ITPA: variants seen among roughly 807,000 people sequenced by gnomAD.
ITPA encodes inosine triphosphatase.
A neutral mutation model predicts 29.6 loss-of-function variants in ITPA; 29 were observed. The observed-to-expected ratio is 0.98, with a 90% confidence interval of 0.73 to 1.34. ITPA has a LOEUF of 1.34. Among genes scored for constraint, ITPA ranks in the 40% most tolerant of loss-of-function variants. The probability of loss-of-function intolerance (pLI) is 0.00; values close to 1 mark genes in which losing one functional copy is unlikely to be tolerated. For synonymous variants in ITPA, 103 were observed against 99.3 expected, an observed-to-expected ratio of 1.04 and a Z score of -0.22; for missense variants, 241 against 251.5, an observed-to-expected ratio of 0.96 and a Z score of 0.28.
Position 3,218,527 on chromosome 20 carries a change from G to C in ITPA, c.306G>C (p.Gln102His), listed in dbSNP as rs939527021. 6.8e-6 allele frequency: 11 copies of C among 1,613,646 alleles called. No homozygotes were observed. Among genetic ancestry groups the C allele is most frequent in the African/African-American group, 1.3e-5 (1 of 74,928 alleles). ...LEKLKPEGLH[Q>H]LLAGFEDKSA... ...ACTGCCCACCCGCAGGTCTCCACCAGCTCCTGGCCGGGTTCGAGGACAAGT... is the reference window on the plus strand; with the variant it reads ...ACTGCCCACCCGCAGGTCTCCACCACCTCCTGGCCGGGTTCGAGGACAAGT... Residue 102 changes from glutamine (Q) to histidine (H), a missense_variant, in exon 6 of 8, where the codon CAG becomes CAC. Gln to His is a conservative substitution (Grantham distance 24). Transcript: ENST00000380113.
chr20:3,221,790 T>A, intron 6 of ITPA, 51 bp from the exon 7 acceptor site: 1 of 1,554,408 alleles, frequency 6.4e-7, no homozygotes, highest in Non-Finnish European at 8.9e-7. Context: ...GCCCTCCTCG[T>A]GCTTGTCCTC....
At chr20:3,214,363 C>CTTTT (rs57982806) in intron 4 of ITPA, among the ~76,000 whole-genome samples, 11 of 112,876 alleles carry the variant, frequency 9.7e-5, no homozygotes, top group Non-Finnish European at 1.8e-4. Flanking sequence ...TTCTTCCTTT[C>CTTTT]TTTTTTTTTT....
upstream of ITPA, chr20:3,209,356 C>T (rs144574212): frequency 6.6e-4 from 444 of 668,756 alleles, 2 homozygotes; most frequent in African/African-American, 6.0e-3. This position sits in a 1 kb window ranked among gnomAD's most constrained non-coding sequence, Gnocchi z 4.6. Flanking sequence ...TCGGGAGGCC[C>T]CCAGCAAATC....
At chr20:3,204,906 G>A (rs186754674), upstream of ITPA, among the ~76,000 whole-genome samples, 24 of 151,788 alleles carry the variant, frequency 1.6e-4, no homozygotes, top group African/African-American at 3.4e-4. Context: ...GCTGGAGTGC[G>A]GTGGTGCGAT....
chr20:3,213,440 C>T, intron 3 of ITPA, 57 bp downstream of exon 3: 1 of 1,602,436 alleles, frequency 6.2e-7, no homozygotes, highest in Non-Finnish European at 8.5e-7. Flanking sequence ...GCTTCCAGGG[C>T]CTGCGCCTGC....
rs1273247765 is a variant in ITPA, at chr20:3,211,076, A to AG, written c.66+1459_66+1460insG. Among the ~76,000 whole-genome samples the AG allele has an allele frequency of 9.7e-3, 1,408 of 145,008 alleles. 23 individuals are homozygous for AG. Among genetic ancestry groups the AG allele is most frequent in the African/African-American group, 0.033 (1,327 of 39,636 alleles). On this transcript the variant is annotated intron_variant, in intron 1 of 7. Transcript: ENST00000380113. ...GACTCTGTCTCAAATAAAAAAAAAA[A>AG]AAGAAGAAGAAGAAGAAGAAGGCAC... is the stretch of plus-strand genomic sequence containing the variant.
At chr20:3,209,425 C>T, upstream of ITPA, 1 of 873,792 alleles carries the variant, frequency 1.1e-6, no homozygotes, top group Non-Finnish European at 1.9e-6. This position sits in a 1 kb window ranked among gnomAD's most constrained non-coding sequence, Gnocchi z 4.6. Flanking sequence ...GCCTTGGGGT[C>T]CGGGTCGGCT....
intron 7 of ITPA, among the ~76,000 whole-genome samples, chr20:3,222,719 G>C (rs1429518537): frequency 6.6e-6 from 1 of 152,190 alleles, no homozygotes; most frequent in Non-Finnish European, 1.5e-5. Context: ...GGAGCGCAGT[G>C]TGAGGCCCCA....
chr20:3,206,647 G>A (rs376115982), upstream of ITPA, among the ~76,000 whole-genome samples: 21 of 151,592 alleles, frequency 1.4e-4, no homozygotes, highest in Middle Eastern at 7.0e-3. Flanking sequence ...TGGCTAACAC[G>A]GTGAAACCCC....
intron 7 of ITPA, among the ~76,000 whole-genome samples, chr20:3,222,221 CT>C (rs1185986418): frequency 0.015 from 2,039 of 137,916 alleles, 15 homozygotes; most frequent in African/African-American, 0.041. Context: ...GTACATCTGA[CT>C]TTTTTTTTTT....
rs751753003 is a variant in ITPA at position 3,223,369 on chromosome 20, C to G, written c.492C>G (p.Tyr164Ter). ...CFQPDGYEQTYAEMPKAEKNA... is the reference protein window; with the variant it reads ...CFQPDGYEQT ...AGCTGCTACTGTCACCCCTCAGGTA[C>G]GCAGAGATGCCTAAGGCGGAGAAGA... is the stretch of plus-strand genomic sequence containing the variant. The change falls in exon 8 of 8, where the codon TAC (tyrosine) becomes TAG (stop). Residue 164 changes from tyrosine to a stop codon, truncating the protein, a stop_gained. Coordinates refer to ENST00000380113, the MANE Select transcript of ITPA (RefSeq NM_033453.4). LOFTEE classifies it high-confidence loss of function. The G allele has an allele frequency of 6.2e-7, 1 of 1,612,564 alleles. No individual in the cohort carries two copies. The highest frequency in any genetic ancestry group is 2.2e-5 in the East Asian group (1 of 44,874).
At chr20:3,220,783 TG>T (rs2067443535) in intron 6 of ITPA, among the ~76,000 whole-genome samples, 3 of 151,828 alleles carry the variant, frequency 2.0e-5, no homozygotes, top group Admixed American at 1.3e-4. Context: ...CTCGAACTCC[TG>T]GGTTTAAACC....
In ITPA at chr20:3,221,883, G is replaced by A; in HGVS notation, c.454G>A (p.Asp152Asn). Reference sequence around the variant, plus strand: ...CAGAGGCTGCCAGGACTTTGGCTGGGACCCCTGCTTTCAGCCTGATGGATA... The same window carrying A: ...CAGAGGCTGCCAGGACTTTGGCTGGAACCCCTGCTTTCAGCCTGATGGATA... ...APRGCQDFGW[D>N]PCFQPDGYEQ... Residue 152 changes from aspartate to asparagine, a missense_variant, in exon 7 of 8, where the codon GAC becomes AAC. Asp to Asn is a conservative substitution (Grantham distance 23, BLOSUM62 1). Coordinates refer to ENST00000380113, the MANE Select transcript of ITPA (RefSeq NM_033453.4). 6.2e-7 allele frequency: 1 copy of A among 1,614,084 alleles called. No homozygotes were observed. The highest frequency in any genetic ancestry group is 8.5e-7 in the Non-Finnish European group (1 of 1,180,034).
downstream of ITPA, among the ~76,000 whole-genome samples, chr20:3,225,168 A>T (rs768879592): frequency 6.6e-6 from 1 of 152,096 alleles, no homozygotes; most frequent in Non-Finnish European, 1.5e-5. Context: ...GCGCCACTGC[A>T]CTCCAGCCTG....
At chr20:3,204,628 G>C, upstream of ITPA, 1 of 1,581,554 alleles carries the variant, frequency 6.3e-7, no homozygotes, top group Non-Finnish European at 8.6e-7. Flanking sequence ...GCGCCACCAT[G>C]ACGAGGGCCT....
chr20:3,217,593 T>A (rs1311419061), intron 5 of ITPA, among the ~76,000 whole-genome samples: 1 of 151,414 alleles, frequency 6.6e-6, no homozygotes, highest in East Asian at 2.0e-4. Context: ...CTTAGCCTCC[T>A]GAGGAGCTGG....
chr20:3,223,339 C>T (rs765347918), intron 7 of ITPA, 27 bp from the exon 8 acceptor site: 1 of 1,567,094 alleles, frequency 6.4e-7, no homozygotes, highest in East Asian at 2.2e-5. Context: ...AATCTGGGCT[C>T]CCTGAGCTGC....
Position 3,213,201 on chromosome 20 carries a change from C to A in ITPA, c.99C>A (p.Cys33Ter). 6.2e-7 allele frequency: 1 copy of A among 1,614,144 alleles called. No homozygotes were observed. The highest frequency in any genetic ancestry group is 8.5e-7 in the Non-Finnish European group (1 of 1,180,008). Residue 33 changes from cysteine to a stop codon, truncating the protein, a stop_gained, in exon 2 of 8, where the codon TGC becomes TGA. Coordinates refer to ENST00000380113, the MANE Select transcript of ITPA (RefSeq NM_033453.4). LOFTEE classifies it high-confidence loss of function. ...VVQILGDKFP[C>*]TLVAQKIDLP... Reference sequence around the variant, plus strand: ...AGATTCTAGGAGATAAGTTTCCATGCACTTTGGTGGCACAGAAAATTGACC... The same window carrying A: ...AGATTCTAGGAGATAAGTTTCCATGAACTTTGGTGGCACAGAAAATTGACC...
chr20:3,220,820 C>T (rs184745340), intron 6 of ITPA, among the ~76,000 whole-genome samples: 6 of 152,052 alleles, frequency 3.9e-5, no homozygotes, highest in Non-Finnish European at 7.4e-5. Context: ...CCTCCCCAAG[C>T]GCTGAGATTA....
Sources: gnomAD v4.1 joint callset for allele counts (sites outside exome capture counted in the v4.1 genomes callset) on GRCh38, gnomAD v4.1.1 for gene constraint, Gnocchi (gnomAD v3.1) non-coding constraint, MANE v1.5 for transcripts, NCBI Gene and HGNC (gene_info 2026-07-23, HGNC 2026-07-21) for gene names.